The following RETREG1 variants were observed in gnomAD, a reference collection of about 807,000 sequenced individuals.
The protein encoded by RETREG1 is family with sequence similarity 134 member B.
In RETREG1, 44 loss-of-function variants were observed where a neutral mutation model predicts 54.8. The observed-to-expected ratio is 0.80, with a 90% CI of 0.63 to 1.03. The LOEUF (loss-of-function observed/expected upper bound fraction) is 1.03. RETREG1 is among the 50% of genes least tolerant of loss of function. RETREG1 has a pLI of 0.00. For synonymous variants in RETREG1, 217 were observed against 238.5 expected (o/e 0.91, Z 0.83); for missense variants, 554 against 605.1 (o/e 0.92, Z 0.89).
At chr5:16,521,677 A>G (rs770359091) in intron 3 of RETREG1, among the ~76,000 whole-genome samples, 1 of 152,230 alleles carries the variant, frequency 6.6e-6, no homozygotes, top group African/African-American at 2.4e-5. Flanking sequence ...TTATCTCCTG[A>G]GTTGAAAAGC....
intron 3 of RETREG1, among the ~76,000 whole-genome samples, chr5:16,525,226 G>GC (rs1740670022): frequency 6.7e-6 from 1 of 148,820 alleles, no homozygotes; most frequent in Non-Finnish European, 1.5e-5. Flanking sequence ...GTGGATTTGC[G>GC]AGGGGGACAC....
chr5:16,518,838 G>A (rs1346373655), intron 3 of RETREG1, among the ~76,000 whole-genome samples: 1 of 152,210 alleles, frequency 6.6e-6, no homozygotes, highest in Non-Finnish European at 1.5e-5. Context: ...ACTGACTCAA[G>A]AGTCTAAGAA....
At chr5:16,559,760 C>T (rs1218346857) in intron 3 of RETREG1, among the ~76,000 whole-genome samples, 2 of 152,192 alleles carry the variant, frequency 1.3e-5, no homozygotes, top group Non-Finnish European at 2.9e-5. Context: ...TGATGCTGTG[C>T]ATACAGAAAA....
At chr5:16,615,579 T>A (rs1285896300) in intron 1 of RETREG1, among the ~76,000 whole-genome samples, 1 of 152,138 alleles carries the variant, frequency 6.6e-6, no homozygotes, top group Non-Finnish European at 1.5e-5. Flanking sequence ...AGATTTGGAA[T>A]AAACTCTATT....
At chr5:16,499,026 CTTT>C (rs1340728357) in intron 3 of RETREG1, among the ~76,000 whole-genome samples, 2 of 150,338 alleles carry the variant, frequency 1.3e-5, no homozygotes, top group Non-Finnish European at 3.0e-5. Flanking sequence ...AAATTTTTTT[CTTT>C]TTATCTTTGT....
In RETREG1 at chr5:16,473,724, A is replaced by G. The variant is rs1225272201; in HGVS notation, c.*1017T>C. On this transcript the variant is annotated 3_prime_UTR_variant, in exon 9 of 9. Coordinates refer to ENST00000306320, the MANE Select transcript of RETREG1 (RefSeq NM_001034850.3). ...ATATTCTATCTTCCCAATAAGAAACAGATTCCATATTTATACTTAAATGGC... is the reference window on the plus strand; with the variant it reads ...ATATTCTATCTTCCCAATAAGAAACGGATTCCATATTTATACTTAAATGGC... 1.3e-5 allele frequency: 2 copies of G among 152,438 alleles called. No homozygotes were observed. Among genetic ancestry groups the G allele is most frequent in the Non-Finnish European group, 1.5e-5 (1 of 68,006 alleles). The allele number at this position is 152,438 out of a possible 1,614,324, so 9.4% of individuals were successfully genotyped here.
intron 3 of RETREG1, among the ~76,000 whole-genome samples, chr5:16,556,238 A>T (rs1204082322): frequency 6.6e-6 from 1 of 151,324 alleles, no homozygotes; most frequent in Admixed American, 6.6e-5. Flanking sequence ...GGCTCACCAC[A>T]AGCTCCGCCT....
At position 16,585,007 on chromosome 5, in the gene RETREG1, T is replaced by A. The variant is rs1742591220; in HGVS notation, c.321-12905A>T. 1.3e-5 allele frequency among the ~76,000 whole-genome samples: 2 copies of A among 152,090 alleles called. No homozygotes were observed. Among genetic ancestry groups the A allele is most frequent in the South Asian group, 2.1e-4 (1 of 4,824 alleles). On this transcript the variant is annotated intron_variant, in intron 1 of 8. Transcript: ENST00000306320. The surrounding 1 kb of genome is among the most constrained non-coding windows in gnomAD (Gnocchi z 4.5). ...TTCCCTAGGGAAGTACTTCTTTAGT[T>A]GTGATGGCCAAGAAAATGAATTATA...
At chr5:16,562,179 G>T (rs576795179) in intron 3 of RETREG1, among the ~76,000 whole-genome samples, 1 of 152,308 alleles carries the variant, frequency 6.6e-6, no homozygotes, top group South Asian at 2.1e-4. Context: ...GCCAGGCGTG[G>T]TGGCACATGC....
Position 16,473,920 on chromosome 5 carries a change from C to T in RETREG1, c.*821G>A, listed in dbSNP as rs1738410986. 6.6e-6 allele frequency: 1 copy of T among 152,106 alleles called. No individual in the cohort carries two copies. Among genetic ancestry groups the T allele is most frequent in the South Asian group, 2.1e-4 (1 of 4,832 alleles). The allele number at this position is 152,106 out of a possible 1,614,324, so 9.4% of individuals were successfully genotyped here. A position where few individuals can be genotyped will look rare whatever the true frequency, so the allele number is the denominator to read the frequency against. On this transcript the variant is annotated 3_prime_UTR_variant, in exon 9 of 9. Coordinates refer to ENST00000306320, the MANE Select transcript of RETREG1 (RefSeq NM_001034850.3). ...TAAAAGATAAGGGTCTAACTTAAGTCTGAGCAGGCAGAATAGAGCTGTGCT... is the reference window on the plus strand; with the variant it reads ...TAAAAGATAAGGGTCTAACTTAAGTTTGAGCAGGCAGAATAGAGCTGTGCT...
intron 3 of RETREG1, among the ~76,000 whole-genome samples, chr5:16,497,245 AG>A (rs1245066203): frequency 6.6e-6 from 1 of 152,228 alleles, no homozygotes; most frequent in African/African-American, 2.4e-5. Flanking sequence ...AGAGGCGACC[AG>A]GATCAGAACC....
chr5:16,591,751 A>G (rs1040136522), intron 1 of RETREG1, among the ~76,000 whole-genome samples: 10 of 152,322 alleles, frequency 6.6e-5, no homozygotes, highest in African/African-American at 2.4e-4. Context: ...AACGGAAAAC[A>G]TCTGTCTCTC....
intron 1 of RETREG1, among the ~76,000 whole-genome samples, chr5:16,578,516 G>C (rs527483440): frequency 1.3e-5 from 2 of 152,148 alleles, no homozygotes; most frequent in East Asian, 3.9e-4. Context: ...TCTGCTGGGC[G>C]TGGGCGATCC....
intron 3 of RETREG1, among the ~76,000 whole-genome samples, chr5:16,545,430 C>T (rs367791777): frequency 4.6e-5 from 7 of 152,066 alleles, no homozygotes; most frequent in African/African-American, 1.7e-4. Context: ...CTTAAGGAAG[C>T]TTTGGTGTCC....
chr5:16,521,990 C>T (rs376419701), intron 3 of RETREG1, among the ~76,000 whole-genome samples: 4 of 152,312 alleles, frequency 2.6e-5, no homozygotes, highest in South Asian at 2.1e-4. Context: ...TACCATCTGA[C>T]GGCCTTGCGG....
rs1393769718 is a variant in RETREG1, at chr5:16,616,891, C to A, written c.81G>T (p.Pro27=). The A allele has an allele frequency of 6.7e-7, 1 of 1,482,360 alleles. No individual in the cohort carries two copies. The highest frequency in any genetic ancestry group is 8.9e-7 in the Non-Finnish European group (1 of 1,123,836). The allele number at this position is 1,482,360 out of a possible 1,614,324, so 91.8% of individuals were successfully genotyped here. ...PAAEEQAPPS[P]PPPQASPAER... ...CTGCGGGGGATGCCTGGGGCGGTGG[C>A]GGCGACGGCGGCGCCTGCTCCTCGG... The change falls in exon 1 of 9, where the codon CCG becomes CCT. Residue 27 remains proline (P), a synonymous_variant. Transcript: ENST00000306320.
At chr5:16,608,835 C>G (rs1743265444) in intron 1 of RETREG1, among the ~76,000 whole-genome samples, 3 of 152,128 alleles carry the variant, frequency 2.0e-5, no homozygotes, top group Admixed American at 1.3e-4. Context: ...CAACCCTCTC[C>G]CAATATAATT....
chr5:16,558,069 A>G (rs1403245702), intron 3 of RETREG1, among the ~76,000 whole-genome samples: 1 of 152,098 alleles, frequency 6.6e-6, no homozygotes, highest in Non-Finnish European at 1.5e-5. Context: ...AATTTTAAAA[A>G]GAAATAAGAA....
intron 3 of RETREG1, among the ~76,000 whole-genome samples, chr5:16,519,070 A>G (rs774553281): frequency 1.1e-4 from 16 of 152,180 alleles, no homozygotes; most frequent in Non-Finnish European, 2.1e-4. Context: ...ACAAACAAAA[A>G]TCAAAGGATC....
Sources: allele counts gnomAD v4.1 joint callset (sites outside exome capture counted in the v4.1 genomes callset), GRCh38; gene constraint gnomAD v4.1.1; non-coding constraint Gnocchi (gnomAD v3.1); transcripts MANE v1.5; gene names NCBI Gene and HGNC (gene_info 2026-07-23, HGNC 2026-07-21).